CRYL1: variants seen among roughly 807,000 people sequenced by gnomAD.
CRYL1 encodes crystallin lambda 1.
In CRYL1, 29 loss-of-function variants were observed where a neutral mutation model predicts 36.6. The ratio of observed to expected loss-of-function variants is 0.79; its 90% CI spans 0.59 to 1.08. CRYL1 has a LOEUF of 1.08. Ranked by LOEUF, CRYL1 falls within the 50% of genes least tolerant of loss-of-function variation. CRYL1 has a pLI of 0.00. For missense variants in CRYL1, 411 were observed against 407.9 expected (o/e 1.01, Z -0.06); for synonymous variants, 152 against 151.5 (o/e 1.00, Z -0.02).
At chr13:20,494,573 T>C (rs2137480166) in intron 2 of CRYL1, among the ~76,000 whole-genome samples, 1 of 152,304 alleles carries the variant, frequency 6.6e-6, no homozygotes, top group African/African-American at 2.4e-5. Flanking sequence ...TCTGAGCGCC[T>C]GATGTGCTCA....
intron 3 of CRYL1, among the ~76,000 whole-genome samples, chr13:20,475,729 C>T (rs180981750): frequency 3.9e-5 from 6 of 152,288 alleles, no homozygotes; most frequent in Admixed American, 1.3e-4. Context: ...TGATGCTGTG[C>T]AACTGGCTCT....
chr13:20,522,862 C>T (rs2034120262), intron 1 of CRYL1, among the ~76,000 whole-genome samples: 1 of 149,544 alleles, frequency 6.7e-6, no homozygotes, highest in Middle Eastern at 3.5e-3. Context: ...AAATGAAAGC[C>T]TTAGAACACT....
intron 5 of CRYL1, among the ~76,000 whole-genome samples, chr13:20,414,877 G>A (rs907020049): frequency 4.6e-5 from 7 of 152,204 alleles, no homozygotes; most frequent in African/African-American, 1.7e-4. Flanking sequence ...GGCGGACGGA[G>A]GGAAGCCGCC....
At chr13:20,475,355 T>C (rs2033145091) in intron 3 of CRYL1, among the ~76,000 whole-genome samples, 1 of 152,208 alleles carries the variant, frequency 6.6e-6, no homozygotes, top group Non-Finnish European at 1.5e-5. Context: ...TATCCTGTCA[T>C]TTCTAAACAG....
intron 1 of CRYL1, among the ~76,000 whole-genome samples, chr13:20,517,466 G>A (rs1292168901): frequency 2.6e-5 from 4 of 151,432 alleles, no homozygotes; most frequent in Admixed American, 6.6e-5. Flanking sequence ...GTGGTGGCAC[G>A]CATCTGTAAT....
At chr13:20,493,425 C>A (rs58851934) in intron 2 of CRYL1, among the ~76,000 whole-genome samples, 1 of 151,968 alleles carries the variant, frequency 6.6e-6, no homozygotes, top group Non-Finnish European at 1.5e-5. Context: ...TTTGGGAGGC[C>A]GAGGTGGGCA....
At chr13:20,414,846 G>A (rs530149686) in intron 5 of CRYL1, among the ~76,000 whole-genome samples, 3 of 152,296 alleles carry the variant, frequency 2.0e-5, no homozygotes, top group South Asian at 4.1e-4. Context: ...CCTCCCCCTT[G>A]GGCATTTCCA....
chr13:20,483,099 C>T (rs2033311289), intron 3 of CRYL1, among the ~76,000 whole-genome samples: 1 of 151,942 alleles, frequency 6.6e-6, no homozygotes, highest in Non-Finnish European at 1.5e-5. Flanking sequence ...AAATACAGTT[C>T]GCTAGAAGGA....
chr13:20,519,918 T>C (rs2034065088), intron 1 of CRYL1, among the ~76,000 whole-genome samples: 1 of 152,118 alleles, frequency 6.6e-6, no homozygotes, highest in South Asian at 2.1e-4. Context: ...GTTTTACACA[T>C]GATGATGCTA....
At chr13:20,449,275 T>C (rs1367870370) in intron 3 of CRYL1, among the ~76,000 whole-genome samples, 1 of 152,158 alleles carries the variant, frequency 6.6e-6, no homozygotes, top group Admixed American at 6.5e-5. Flanking sequence ...TAAATGCACA[T>C]GTAAAAGTAA....
chr13:20,523,743 A>G (rs1424875672), intron 1 of CRYL1, among the ~76,000 whole-genome samples: 1 of 152,024 alleles, frequency 6.6e-6, no homozygotes, highest in Admixed American at 6.6e-5. Flanking sequence ...TCACACCAGA[A>G]AACAAAGAAA....
chr13:20,475,035 G>A (rs1435405054), intron 3 of CRYL1, among the ~76,000 whole-genome samples: 2 of 152,132 alleles, frequency 1.3e-5, no homozygotes, highest in Admixed American at 6.6e-5. Flanking sequence ...TCCAACACCC[G>A]GAACACAGGG....
intron 2 of CRYL1, among the ~76,000 whole-genome samples, chr13:20,508,874 AAC>A (rs1491242714): frequency 0.037 from 520 of 14,090 alleles, 148 homozygotes; most frequent in African/African-American, 0.059. Context: ...AAAAAAAAAA[AAC>A]AAAAAAAAAA....
chr13:20,473,988 A>G (rs1257856546), intron 3 of CRYL1, among the ~76,000 whole-genome samples: 2 of 152,166 alleles, frequency 1.3e-5, no homozygotes, highest in Non-Finnish European at 2.9e-5. Context: ...TATTAATGAC[A>G]GGCATCGGCT....
intron 3 of CRYL1, among the ~76,000 whole-genome samples, chr13:20,465,923 A>G (rs557658014): frequency 1.4e-3 from 215 of 149,414 alleles, no homozygotes; most frequent in African/African-American, 4.4e-3. Context: ...TTCTTGCTCT[A>G]TTAGTTTCCA....
At chr13:20,414,684 A>C (rs554624425) in intron 5 of CRYL1, among the ~76,000 whole-genome samples, 1 of 152,346 alleles carries the variant, frequency 6.6e-6, no homozygotes, top group South Asian at 2.1e-4. Context: ...GTAAATTGCA[A>C]AGCAAGAGGC....
intron 2 of CRYL1, among the ~76,000 whole-genome samples, chr13:20,507,958 T>C (rs1478927060): frequency 6.7e-6 from 1 of 148,712 alleles, no homozygotes; most frequent in East Asian, 2.0e-4. Context: ...AGTCCATGCC[T>C]GGCCAGGCAC....
rs535516040 is a variant in CRYL1 at position 20,524,442 on chromosome 13, A to G, written c.41+1312T>C. Among the ~76,000 whole-genome samples the G allele has an allele frequency of 2.8e-3, 432 of 151,854 alleles. 1 individual carries two copies. Among genetic ancestry groups the G allele is most frequent in the Non-Finnish European group, 3.9e-3 (268 of 67,954 alleles). On this transcript the variant is annotated intron_variant, in intron 1 of 7. Coordinates refer to ENST00000298248, the MANE Select transcript of CRYL1 (RefSeq NM_015974.3). ...GCCCAGACTGGAGTGCAATGGCACC[A>G]TCTCGGCTCACCGCAACCTCCGCCT...
chr13:20,483,272 A>C (rs910720245), intron 3 of CRYL1, among the ~76,000 whole-genome samples: 10 of 152,206 alleles, frequency 6.6e-5, no homozygotes, highest in African/African-American at 2.2e-4. Flanking sequence ...CTGAACACAC[A>C]AATCAATCAC....
Sources: allele counts gnomAD v4.1 joint callset (sites outside exome capture counted in the v4.1 genomes callset), GRCh38; gene constraint gnomAD v4.1.1; transcripts MANE v1.5; gene names NCBI Gene and HGNC (gene_info 2026-07-23, HGNC 2026-07-21).